Variants in MAGI1 observed in about 807,000 individuals in gnomAD.
MAGI1 encodes the protein membrane-associated guanylate kinase, WW and PDZ domain-containing protein 1.
In MAGI1, 58 loss-of-function variants were observed where a neutral mutation model predicts 139.9. The observed-to-expected ratio is 0.41, with a 90% CI of 0.34 to 0.52. The LOEUF (loss-of-function observed/expected upper bound fraction) is 0.52, where lower values mean the gene tolerates loss of function less well. MAGI1 is among the 20% of genes least tolerant of loss of function. The probability of loss-of-function intolerance (pLI) is 0.12; values close to 1 mark genes in which losing one functional copy is unlikely to be tolerated. For missense variants in MAGI1, 1,874 were observed against 1,901.6 expected, an observed-to-expected ratio of 0.99 and a Z score of 0.27; for synonymous variants, 812 against 737.9, an observed-to-expected ratio of 1.10 and a Z score of -1.63.
At chr3:65,702,231 C>A (rs187639318) in intron 1 of MAGI1, among the ~76,000 whole-genome samples, 15 of 152,256 alleles carry the variant, frequency 9.9e-5, no homozygotes. Flanking sequence ...GCTTATAAGG[C>A]CTCACCCTAG....
chr3:65,617,064 A>G (rs1306281881), intron 2 of MAGI1, among the ~76,000 whole-genome samples: 1 of 152,242 alleles, frequency 6.6e-6, no homozygotes, highest in Non-Finnish European at 1.5e-5. Context: ...GCTATCTTAT[A>G]AAGACCAGTA....
intron 1 of MAGI1, among the ~76,000 whole-genome samples, chr3:65,718,305 G>T (rs958718967): frequency 6.6e-6 from 1 of 151,996 alleles, no homozygotes; most frequent in African/African-American, 2.4e-5. Context: ...AGCTTCCTAA[G>T]ATGATGAAAA....
chr3:66,033,289 G>A (rs1448214835), intron 1 of MAGI1, among the ~76,000 whole-genome samples: 1 of 152,154 alleles, frequency 6.6e-6, no homozygotes, highest in African/African-American at 2.4e-5. Flanking sequence ...CTCCCAAGGT[G>A]CTGGGATTAC....
intron 1 of MAGI1, among the ~76,000 whole-genome samples, chr3:65,744,265 ATC>A (rs1216061749): frequency 3.3e-5 from 5 of 152,202 alleles, no homozygotes; most frequent in African/African-American, 1.2e-4. Context: ...ATAGTATAGA[ATC>A]TATAGATCAC....
chr3:65,784,054 T>C (rs1302433584), intron 1 of MAGI1, among the ~76,000 whole-genome samples: 1 of 149,948 alleles, frequency 6.7e-6, no homozygotes, highest in Non-Finnish European at 1.5e-5. Flanking sequence ...ACCTGGGAGG[T>C]GGAGGTTGCA....
At chr3:65,672,789 A>G (rs1451503538) in intron 1 of MAGI1, among the ~76,000 whole-genome samples, 1 of 152,244 alleles carries the variant, frequency 6.6e-6, no homozygotes, top group African/African-American at 2.4e-5. Context: ...TCATTCCTTT[A>G]AAGCACGTAC....
intron 12 of MAGI1, among the ~76,000 whole-genome samples, chr3:65,408,038 C>A (rs990169414): frequency 3.3e-5 from 5 of 152,280 alleles, no homozygotes; most frequent in Middle Eastern, 3.4e-3. Flanking sequence ...TCAAGCAAAG[C>A]TGCACAGAAG....
chr3:65,943,380 C>G (rs568788263), intron 1 of MAGI1, among the ~76,000 whole-genome samples: 1 of 152,208 alleles, frequency 6.6e-6, no homozygotes, highest in African/African-American at 2.4e-5. Flanking sequence ...TTGAGACCAG[C>G]CTGGCCAACA....
chr3:65,932,062 C>T (rs866187899), intron 1 of MAGI1, among the ~76,000 whole-genome samples: 3 of 152,084 alleles, frequency 2.0e-5, no homozygotes, highest in African/African-American at 4.8e-5. Context: ...GGGAAAAAAT[C>T]GTATCGAGTT....
At chr3:65,558,114 C>T (rs2080172808) in intron 2 of MAGI1, among the ~76,000 whole-genome samples, 1 of 152,166 alleles carries the variant, frequency 6.6e-6, no homozygotes, top group Non-Finnish European at 1.5e-5. Flanking sequence ...CTTTCTCACC[C>T]TTGAAGGATA....
At chr3:65,937,638 T>C (rs1576157266) in intron 1 of MAGI1, among the ~76,000 whole-genome samples, 1 of 152,278 alleles carries the variant, frequency 6.6e-6, no homozygotes, top group East Asian at 1.9e-4. Context: ...TGGCTATGCC[T>C]AACCTGCTAA....
At chr3:66,016,068 A>G (rs201742667) in intron 1 of MAGI1, among the ~76,000 whole-genome samples, 1 of 144,456 alleles carries the variant, frequency 6.9e-6, no homozygotes, top group Admixed American at 7.1e-5. Context: ...GAAAGAAGAT[A>G]AAAACCCAGA....
At chr3:66,013,591 C>G (rs1341052175) in intron 1 of MAGI1, among the ~76,000 whole-genome samples, 2 of 151,318 alleles carry the variant, frequency 1.3e-5, no homozygotes, top group Non-Finnish European at 2.9e-5. Context: ...GAAACTCCGT[C>G]TCTACTAAAA....
At chr3:65,394,937 G>A (rs755805483) in intron 13 of MAGI1, among the ~76,000 whole-genome samples, 1 of 152,174 alleles carries the variant, frequency 6.6e-6, no homozygotes, top group Non-Finnish European at 1.5e-5. Flanking sequence ...TTTCCTAGGT[G>A]AGACACTAGC....
chr3:65,415,719 T>C (rs1048593446), intron 12 of MAGI1, among the ~76,000 whole-genome samples: 5 of 152,134 alleles, frequency 3.3e-5, no homozygotes, highest in African/African-American at 1.2e-4. Context: ...CAAAACCAAA[T>C]GGGTGTTGAA....
At chr3:65,514,341 C>G (rs2077749771) in intron 2 of MAGI1, among the ~76,000 whole-genome samples, 1 of 78,980 alleles carries the variant, frequency 1.3e-5, no homozygotes, top group African/African-American at 4.5e-5. Context: ...TTCTGCACAG[C>G]AAAAGAAACT....
At chr3:65,812,262 C>G (rs2041291552) in intron 1 of MAGI1, among the ~76,000 whole-genome samples, 1 of 152,048 alleles carries the variant, frequency 6.6e-6, no homozygotes, top group African/African-American at 2.4e-5. Context: ...AACATAAAGG[C>G]TGGCACAAAG....
chr3:65,950,106 A>AAAAAAAAAAAAAAAAAAAAAC (rs796698272), intron 1 of MAGI1, among the ~76,000 whole-genome samples: 7 of 84,198 alleles, frequency 8.3e-5, no homozygotes, highest in Admixed American at 1.7e-4. Flanking sequence ...AAAAAAAAAA[A>AAAAAAAAAAAAAAAAAAAAAC]CAGAACTAGC....
intron 1 of MAGI1, chr3:65,874,554 A>G (rs1328852342): frequency 6.6e-6 from 1 of 152,232 alleles, no homozygotes; most frequent in African/African-American, 2.4e-5. Context: ...GGATATACAA[A>G]TGAAAAACAC....
Sources: gnomAD v4.1 joint callset for allele counts (sites outside exome capture counted in the v4.1 genomes callset) on GRCh38, gnomAD v4.1.1 for gene constraint, MANE v1.5 for transcripts, NCBI Gene and HGNC (gene_info 2026-07-23, HGNC 2026-07-21) for gene names.